P3H2: variants seen among roughly 807,000 people sequenced by gnomAD.
P3H2 encodes prolyl 3-hydroxylase 2, also known as leprecan-like 1.
P3H2 carries 80 observed loss-of-function variants against 87.0 expected under a neutral mutation model. The observed-to-expected ratio is 0.92, with a 90% confidence interval of 0.77 to 1.11. The LOEUF (loss-of-function observed/expected upper bound fraction) is 1.11. Among genes scored for constraint, P3H2 ranks in the 50% least tolerant of loss-of-function variants. The pLI, the probability that P3H2 is intolerant of heterozygous loss-of-function variation, is 0.00. For missense variants in P3H2, 1,001 were observed against 923.9 expected (o/e 1.08, Z -1.08); for synonymous variants, 367 against 359.3 (o/e 1.02, Z -0.24).
intron 1 of P3H2, among the ~76,000 whole-genome samples, chr3:190,110,277 G>A (rs1712020831): frequency 6.6e-6 from 1 of 152,170 alleles, no homozygotes; most frequent in South Asian, 2.1e-4. Context: ...GGAGTGGACT[G>A]TGTTACTACT....
chr3:190,070,888 G>A (rs140839884), intron 1 of P3H2, among the ~76,000 whole-genome samples: 2 of 152,062 alleles, frequency 1.3e-5, no homozygotes, highest in Non-Finnish European at 2.9e-5. Context: ...TAGCTGACCC[G>A]ACCAGAACAT....
chr3:190,000,673 G>A (rs114115673), intron 1 of P3H2, among the ~76,000 whole-genome samples: 235 of 152,290 alleles, frequency 1.5e-3, no homozygotes, highest in African/African-American at 5.6e-3. Context: ...GGGCATTCCA[G>A]GCCAAAGAAA....
Position 190,110,763 on chromosome 3 carries a change from T to C in P3H2, c.480+9489A>G, listed in dbSNP as rs1712039504. 2.0e-5 allele frequency among the ~76,000 whole-genome samples: 3 copies of C among 152,226 alleles called. No homozygotes were observed. The South Asian group carries it at 6.2e-4, about 32-fold the overall frequency. ...GCAAATCTATTGATTTTGGCAGACT[T>C]ACAAATTTAGCATTCAAGCAAGAAG... is the stretch of plus-strand genomic sequence containing the variant. On this transcript the variant is annotated intron_variant, in intron 1 of 14. Transcript: ENST00000319332.
At chr3:190,086,675 C>T (rs1727221568) in intron 1 of P3H2, among the ~76,000 whole-genome samples, 1 of 152,158 alleles carries the variant, frequency 6.6e-6, no homozygotes, top group Non-Finnish European at 1.5e-5. Flanking sequence ...ACACACCATA[C>T]CTCAGTTAGT....
chr3:190,024,532 A>AAAC, intron 1 of P3H2, among the ~76,000 whole-genome samples: 1 of 134,946 alleles, frequency 7.4e-6, no homozygotes, highest in Non-Finnish European at 1.5e-5. Context: ...TTCCCTCTCA[A>AAAC]AAAAAAAAAA....
intron 1 of P3H2, among the ~76,000 whole-genome samples, chr3:190,109,594 TAGAGA>T (rs1224373942): frequency 1.3e-5 from 2 of 152,162 alleles, no homozygotes; most frequent in Non-Finnish European, 2.9e-5. Context: ...GGACAATCAG[TAGAGA>T]AAACTATCTG....
In P3H2 at chr3:190,076,183, A is replaced by G. The variant is rs187081859; in HGVS notation, c.480+44069T>C. On this transcript the variant is annotated intron_variant, in intron 1 of 14. Transcript: ENST00000319332. ...AAAAAAAACCACCAAACACACATGCACACACACACACACATACACACACAC... is the reference window on the plus strand; with the variant it reads ...AAAAAAAACCACCAAACACACATGCGCACACACACACACATACACACACAC... 2.3e-3 allele frequency among the ~76,000 whole-genome samples: 350 copies of G among 149,970 alleles called. 3 individuals are homozygous for G. The highest frequency in any genetic ancestry group is 8.1e-3 in the African/African-American group (335 of 41,136).
rs1055755077 is a variant in P3H2 at position 190,095,988 on chromosome 3, C to T, written c.480+24264G>A. Among the ~76,000 whole-genome samples, 4 of 151,516 alleles carry T rather than the reference C, an allele frequency of 2.6e-5. No homozygotes were observed. In the South Asian group the frequency reaches 8.3e-4, roughly 32 times the overall value. Reference sequence around the variant, plus strand: ...AAAGGCAACAACAACAACAAAAACCCATGTGTAATGTAAACCATCTCTTTT... The same window carrying T: ...AAAGGCAACAACAACAACAAAAACCTATGTGTAATGTAAACCATCTCTTTT... On this transcript the variant is annotated intron_variant, in intron 1 of 14. Transcript: ENST00000319332.
In P3H2 at chr3:189,986,816, T is replaced by A. The variant is rs765345631; in HGVS notation, c.1160A>T (p.Glu387Val). Residue 387 changes from glutamate to valine, a missense_variant, in exon 6 of 15, where the codon GAA becomes GTA. Coordinates refer to ENST00000319332, the MANE Select transcript of P3H2 (RefSeq NM_018192.4). ...TTCAGTGTATGAAAACCCCAGACCTTCTGCAGCTGATTTTATCAGCTCAGA... is the reference window on the plus strand; with the variant it reads ...TTCAGTGTATGAAAACCCCAGACCTACTGCAGCTGATTTTATCAGCTCAGA... ...LESELIKSAA[E>V]GLGFSYTEPN... is the part of the protein sequence containing the mutation. 1.9e-6 allele frequency: 3 copies of A among 1,612,356 alleles called. No homozygotes were observed. In the African/African-American group the frequency reaches 4.0e-5, roughly 22 times the overall value.
chr3:189,994,664 GTTT>G (rs11320488), intron 2 of P3H2, among the ~76,000 whole-genome samples: 4 of 143,468 alleles, frequency 2.8e-5, no homozygotes, highest in African/African-American at 5.3e-5. Context: ...TGTGTTTTTT[GTTT>G]TTTTTTTTTA....
At chr3:190,078,450 T>G (rs1246228510) in intron 1 of P3H2, among the ~76,000 whole-genome samples, 3 of 152,184 alleles carry the variant, frequency 2.0e-5, no homozygotes, top group African/African-American at 4.8e-5. Flanking sequence ...TAATAGGATT[T>G]CAATAAATGA....
rs1425871886 is a variant in P3H2 at position 190,120,436 on chromosome 3, G to T, written c.296C>A (p.Pro99His). 18 of 1,440,214 alleles carry T rather than the reference G, an allele frequency of 1.2e-5. No individual in the cohort carries two copies. The highest frequency in any genetic ancestry group is 1.6e-5 in the Non-Finnish European group (18 of 1,106,492). 89.2% of individuals were successfully genotyped at this position (1,440,214 alleles called of 1,614,324 possible). A position where few individuals can be genotyped will look rare whatever the true frequency, so the allele number is the denominator to read the frequency against. Reference sequence around the variant, plus strand: ...CAGCTCAGCGCCGGGGCCCTCGCCGGGGGGCGGGGGCGGGAGCGGGTGGCG... The same window carrying T: ...CAGCTCAGCGCCGGGGCCCTCGCCGTGGGGCGGGGGCGGGAGCGGGTGGCG... ...AARHPLPPPP[P>H]GEGPGAELPL... The change falls in exon 1 of 15, where the codon CCC becomes CAC. Residue 99 changes from proline to histidine, a missense_variant. Pro to His is a moderately conservative substitution (Grantham distance 77). Transcript: ENST00000319332.
intron 1 of P3H2, among the ~76,000 whole-genome samples, chr3:190,030,187 T>C (rs1035411785): frequency 5.9e-5 from 9 of 152,144 alleles, no homozygotes; most frequent in African/African-American, 2.2e-4. Flanking sequence ...ACACAGAACC[T>C]GAACACATGA....
At chr3:189,971,523 T>C (rs1172571451) in intron 12 of P3H2, 3 of 289,962 alleles carry the variant, frequency 1.0e-5, no homozygotes, top group Non-Finnish European at 2.0e-5. Context: ...ATAAAGATAA[T>C]TGATGTGATA....
At chr3:190,104,902 T>C (rs182149750) in intron 1 of P3H2, among the ~76,000 whole-genome samples, 159 of 152,300 alleles carry the variant, frequency 1.0e-3, no homozygotes, top group Non-Finnish European at 1.8e-3. Context: ...CTTGGTACTG[T>C]TTTTTCCTCT....
chr3:190,092,439 C>T (rs1560398054), intron 1 of P3H2, among the ~76,000 whole-genome samples: 1 of 152,198 alleles, frequency 6.6e-6, no homozygotes, highest in Non-Finnish European at 1.5e-5. Flanking sequence ...AGTTGCTTAG[C>T]AAAATAGCTA....
intron 2 of P3H2, 47 bp downstream of exon 2, chr3:189,995,243 G>A (rs764193268): frequency 6.3e-7 from 1 of 1,595,698 alleles, no homozygotes; most frequent in Non-Finnish European, 8.6e-7. Flanking sequence ...ATGAAACTTA[G>A]GAGCACTTAG....
At chr3:190,073,674 A>G (rs1368220882) in intron 1 of P3H2, among the ~76,000 whole-genome samples, 1 of 152,184 alleles carries the variant, frequency 6.6e-6, no homozygotes, top group Non-Finnish European at 1.5e-5. Flanking sequence ...CAGAATTTCT[A>G]AGGCTCAGTT....
At chr3:190,023,837 T>C (rs1469493832) in intron 1 of P3H2, among the ~76,000 whole-genome samples, 1 of 152,254 alleles carries the variant, frequency 6.6e-6, no homozygotes, top group Non-Finnish European at 1.5e-5. Flanking sequence ...CAACTGTATT[T>C]AATTATGTTA....
Sources: allele counts gnomAD v4.1 joint callset (sites outside exome capture counted in the v4.1 genomes callset), GRCh38; gene constraint gnomAD v4.1.1; transcripts MANE v1.5; gene names NCBI Gene and HGNC (gene_info 2026-07-23, HGNC 2026-07-21).